DAB1: variants seen among roughly 807,000 people sequenced by gnomAD.
The protein encoded by DAB1 is DAB adaptor protein 1, also known as disabled homolog 1.
A neutral mutation model predicts 64.6 loss-of-function variants in DAB1; 15 were observed. That is an observed-to-expected ratio of 0.23 (90% CI 0.16 to 0.36). The LOEUF is 0.36. Among genes scored for constraint, DAB1 ranks in the 10% least tolerant of loss-of-function variants. The pLI is 1.00. For synonymous variants in DAB1, 235 were observed against 251.9 expected, an observed-to-expected ratio of 0.93 and a Z score of 0.64; for missense variants, 596 against 706.7, an observed-to-expected ratio of 0.84 and a Z score of 1.78.
chr1:58,469,081 G>C (rs1645327189), intron 3 of DAB1: 1 of 207,764 alleles, frequency 4.8e-6, no homozygotes, highest in South Asian at 1.6e-4. Flanking sequence ...CTAAGGGACT[G>C]TCTCAAGCAT....
intron 7 of DAB1, among the ~76,000 whole-genome samples, chr1:57,574,193 G>A (rs1645223152): frequency 6.6e-6 from 1 of 152,196 alleles, no homozygotes. Flanking sequence ...GGCCATGGTG[G>A]CTATCAGGTA....
chr1:58,275,797 T>G (rs1437187596), intron 4 of DAB1, among the ~76,000 whole-genome samples: 2 of 152,220 alleles, frequency 1.3e-5, no homozygotes, highest in Non-Finnish European at 2.9e-5. Flanking sequence ...AGAATTACCA[T>G]TTGATCCAGC....
chr1:57,795,533 A>G (rs1650804609), intron 6 of DAB1, among the ~76,000 whole-genome samples: 1 of 151,550 alleles, frequency 6.6e-6, no homozygotes, highest in African/African-American at 2.4e-5. Context: ...AAGTGTAATT[A>G]TTATACATTT....
chr1:57,034,286 A>G (rs1570555292), intron 9 of DAB1, among the ~76,000 whole-genome samples: 2 of 151,644 alleles, frequency 1.3e-5, no homozygotes, highest in African/African-American at 4.8e-5. Flanking sequence ...TTCAAAAAAA[A>G]AAAAAGAAAT....
intron 1 of DAB1, chr1:57,867,334 G>C (rs1412938455): frequency 2.0e-5 from 3 of 152,182 alleles, no homozygotes; most frequent in African/African-American, 7.2e-5. Context: ...CTCATTCACT[G>C]AAAAGCCCTT....
chr1:57,321,351 G>A (rs1039058188), intron 1 of DAB1, among the ~76,000 whole-genome samples: 3 of 152,128 alleles, frequency 2.0e-5, no homozygotes, highest in South Asian at 2.1e-4. Flanking sequence ...CACCACACGG[G>A]AAGGAGTCAG....
chr1:57,426,875 T>TATATATATA (rs1553180831), upstream of DAB1, among the ~76,000 whole-genome samples: 1 of 129,954 alleles, frequency 7.7e-6, no homozygotes, highest in Admixed American at 7.3e-5. Flanking sequence ...TATATATATA[T>TATATATATA]TTTTTTGAGA....
chr1:57,551,000 G>A (rs1388226826), intron 7 of DAB1, among the ~76,000 whole-genome samples: 2 of 152,172 alleles, frequency 1.3e-5, no homozygotes, highest in African/African-American at 4.8e-5. Context: ...AGTTGAGCAG[G>A]AATCTGGATA....
intron 2 of DAB1, among the ~76,000 whole-genome samples, chr1:57,214,910 C>CAAAAAAAA (rs56175448): frequency 2.9e-4 from 17 of 58,320 alleles, no homozygotes; most frequent in Non-Finnish European, 3.4e-4. Context: ...GATTCCCTCT[C>CAAAAAAAA]AAAAAAAAAA....
Position 56,997,666 on chromosome 1 carries a change from A to G in DAB1, c.*478T>C, listed in dbSNP as rs1206588397. 1 of 152,208 alleles carries G rather than the reference A, an allele frequency of 6.6e-6. No homozygotes were observed. Among genetic ancestry groups the G allele is most frequent in the Non-Finnish European group, 1.5e-5 (1 of 68,036 alleles). The allele number at this position is 152,208 out of a possible 1,614,324, so 9.4% of individuals were successfully genotyped here. ...GCATATGGATGACGATATTGTGGTC[A>G]CAGAAGACCCTTTGCTTTTGCTTAA... is the stretch of plus-strand genomic sequence containing the variant. On this transcript the variant is annotated 3_prime_UTR_variant, in exon 15 of 15. Transcript: ENST00000371236.
intron 6 of DAB1, among the ~76,000 whole-genome samples, chr1:57,659,503 G>C (rs1304835179): frequency 1.3e-5 from 2 of 152,118 alleles, no homozygotes; most frequent in African/African-American, 4.8e-5. Context: ...TTTGGGATAG[G>C]TCAGGAAACA....
At chr1:58,040,400 T>C (rs1233781559) in intron 5 of DAB1, among the ~76,000 whole-genome samples, 3 of 152,158 alleles carry the variant, frequency 2.0e-5, no homozygotes, top group African/African-American at 7.2e-5. Context: ...TCAAAGGACT[T>C]CACAGCCCAA....
chr1:57,889,900 G>T (rs531562458), intron 5 of DAB1, among the ~76,000 whole-genome samples: 4 of 60,568 alleles, frequency 6.6e-5, no homozygotes, highest in Admixed American at 2.2e-4. Context: ...AAACTGGGGC[G>T]GGGGGGGGGG....
At chr1:58,387,497 G>T (rs1294055552) in intron 3 of DAB1, among the ~76,000 whole-genome samples, 1 of 152,098 alleles carries the variant, frequency 6.6e-6, no homozygotes. Flanking sequence ...TGAGCTCTTC[G>T]GGAGGTGGTG....
intron 1 of DAB1, chr1:57,307,067 G>C (rs1295992234): frequency 1.3e-5 from 2 of 152,196 alleles, no homozygotes; most frequent in African/African-American, 4.8e-5. Flanking sequence ...TAGCAACAGT[G>C]AAAGGAAAGG....
chr1:57,850,971 C>A (rs1044564498), intron 1 of DAB1, among the ~76,000 whole-genome samples: 2 of 152,190 alleles, frequency 1.3e-5, no homozygotes, highest in Non-Finnish European at 2.9e-5. Flanking sequence ...CCCCCCAAGG[C>A]TTAGCTTCAG....
chr1:57,307,394 A>C (rs1477372588), intron 1 of DAB1: 1 of 152,392 alleles, frequency 6.6e-6, no homozygotes, highest in African/African-American at 2.4e-5. Context: ...GCCACCCTGA[A>C]TGATAGTGAA....
intron 5 of DAB1, among the ~76,000 whole-genome samples, chr1:57,989,787 A>C (rs1646302595): frequency 6.6e-6 from 1 of 152,102 alleles, no homozygotes; most frequent in Admixed American, 6.6e-5. Context: ...TTCCACTTTG[A>C]GCTTACTCAA....
chr1:58,427,301 C>T (rs964808920), intron 3 of DAB1, among the ~76,000 whole-genome samples: 1 of 152,060 alleles, frequency 6.6e-6, no homozygotes, highest in Admixed American at 6.5e-5. Flanking sequence ...AACCTTAAGG[C>T]CCTCTAGACA....
Sources: allele counts gnomAD v4.1 joint callset (sites outside exome capture counted in the v4.1 genomes callset), GRCh38; gene constraint gnomAD v4.1.1; transcripts MANE v1.5; gene names NCBI Gene and HGNC (gene_info 2026-07-23, HGNC 2026-07-21).